The following GCN1 variants were observed in gnomAD, a reference collection of about 807,000 sequenced individuals.
GCN1 encodes the protein stalled ribosome sensor GCN1.
GCN1 carries 90 observed loss-of-function variants against 288.4 expected under a neutral mutation model. The observed-to-expected ratio is 0.31, with a 90% CI of 0.26 to 0.37. The LOEUF (loss-of-function observed/expected upper bound fraction) is 0.37, where lower values mean the gene tolerates loss of function less well. GCN1 is among the 10% of genes least tolerant of loss of function. GCN1 has a pLI of 1.00. For missense variants in GCN1, 2,586 were observed against 3,419.9 expected, an observed-to-expected ratio of 0.76 and a Z score of 6.08; for synonymous variants, 1,386 against 1,420.2, an observed-to-expected ratio of 0.98 and a Z score of 0.54.
chr12:120,135,731 A>G (rs1318559891), intron 51 of GCN1, among the ~76,000 whole-genome samples: 1 of 151,956 alleles, frequency 6.6e-6, no homozygotes, highest in Non-Finnish European at 1.5e-5. Context: ...GTCTGGAAAT[A>G]CTGGAGTTGG....
chr12:120,148,740 G>A (rs985564857), intron 36 of GCN1, among the ~76,000 whole-genome samples: 4 of 152,224 alleles, frequency 2.6e-5, no homozygotes, highest in Non-Finnish European at 5.9e-5. Context: ...AGGAGGTTGA[G>A]TGGGAGGGCC....
chr12:120,152,026 T>C (rs900642156), intron 33 of GCN1, among the ~76,000 whole-genome samples: 1 of 152,096 alleles, frequency 6.6e-6, no homozygotes, highest in African/African-American at 2.4e-5. Context: ...AAGTTTTTTG[T>C]TGTTTTTTGT....
intron 5 of GCN1, among the ~76,000 whole-genome samples, chr12:120,180,770 C>T (rs1878630818): frequency 1.3e-5 from 2 of 151,526 alleles, no homozygotes; most frequent in African/African-American, 2.4e-5. Context: ...GGGCGGATCA[C>T]GAGGTCAGGA....
chr12:120,194,142 G>A (rs936237210), intron 1 of GCN1, among the ~76,000 whole-genome samples: 1 of 152,182 alleles, frequency 6.6e-6, no homozygotes, highest in African/African-American at 2.4e-5. Context: ...TTTAAGATAA[G>A]TATTGTTTTA....
At chr12:120,148,099 C>T in intron 37 of GCN1, 68 bp downstream of exon 37, 1 of 1,156,966 alleles carries the variant, frequency 8.6e-7, no homozygotes, top group Non-Finnish European at 1.2e-6. Context: ...GTGCAAGTTC[C>T]CTGCAGTGTC....
intron 38 of GCN1, among the ~76,000 whole-genome samples, chr12:120,145,914 T>A (rs1375414223): frequency 6.6e-6 from 1 of 152,218 alleles, no homozygotes; most frequent in Non-Finnish European, 1.5e-5. Context: ...AATAACTTGT[T>A]ATAACTTGGG....
At chr12:120,181,003 AAAG>A (rs1215227105) in intron 5 of GCN1, among the ~76,000 whole-genome samples, 2 of 152,004 alleles carry the variant, frequency 1.3e-5, no homozygotes, top group Non-Finnish European at 2.9e-5. Flanking sequence ...AAAAAAAAAA[AAAG>A]AAAAAGAAAA....
intron 10 of GCN1, 72 bp from the exon 11 acceptor site, chr12:120,175,946 A>C: frequency 6.5e-7 from 1 of 1,540,534 alleles, no homozygotes; most frequent in East Asian, 2.3e-5. Context: ...TGTCTTTTCC[A>C]TGCCCCCATC....
intron 16 of GCN1, among the ~76,000 whole-genome samples, chr12:120,167,988 A>G (rs1878187766): frequency 6.6e-6 from 1 of 151,800 alleles, no homozygotes; most frequent in Non-Finnish European, 1.5e-5. Flanking sequence ...CTCCACAGCC[A>G]TTACTGCTCT....
intron 11 of GCN1, 35 bp from the exon 12 acceptor site, chr12:120,175,247 T>C (rs1878444348): frequency 1.3e-6 from 2 of 1,571,352 alleles, no homozygotes; most frequent in Admixed American, 1.7e-5. Flanking sequence ...CACATTCACA[T>C]ATGCCACATT....
At position 120,159,918 on chromosome 12, in the gene GCN1, G is replaced by A; in HGVS notation, c.2656C>T (p.Pro886Ser). 1 of 1,614,082 alleles carries A rather than the reference G, an allele frequency of 6.2e-7. No individual in the cohort carries two copies. Among genetic ancestry groups the A allele is most frequent in the Non-Finnish European group, 8.5e-7 (1 of 1,179,904 alleles). ...YIPVLVDSFLPLLKSPLAAPR... is the reference protein window; with the variant it reads ...YIPVLVDSFLSLLKSPLAAPR... Reference sequence around the variant, plus strand: ...GCAGCCAGGGGAGACTTCAGCAAGGGCAGAAAAGAGTCGACCAAAACAGGG... The same window carrying A: ...GCAGCCAGGGGAGACTTCAGCAAGGACAGAAAAGAGTCGACCAAAACAGGG... The change falls in exon 24 of 58, where the codon CCC (proline) becomes TCC (serine). Residue 886 changes from proline to serine, a missense_variant. Physicochemically the swap from Pro to Ser is moderately conservative, Grantham distance 74. Around this residue, in one of 8 missense-constraint regions of GCN1, gnomAD observed 913 missense variants for 1,107.0 expected, o/e 0.82. Coordinates refer to ENST00000300648, the MANE Select transcript of GCN1 (RefSeq NM_006836.2).
chr12:120,127,616 A>AG lies in GCN1; in HGVS notation c.*232dup, dbSNP rs1876658600. 4.2e-6 allele frequency: 2 copies of AG among 481,150 alleles called. No homozygotes were observed. The highest frequency in any genetic ancestry group is 4.7e-5 in the South Asian group (2 of 42,370). 29.8% of individuals were successfully genotyped at this position (481,150 alleles called of 1,614,324 possible). On this transcript the variant is annotated 3_prime_UTR_variant, in exon 58 of 58. Coordinates refer to ENST00000300648, the MANE Select transcript of GCN1 (RefSeq NM_006836.2). ...ACAGCTCCTGGGCTGCCATTTGCTG[A>AG]GGCGCATGCGTGTGCTTTTCCTTCT...
In GCN1 at chr12:120,137,981, G is replaced by C. The variant is rs754374773; in HGVS notation, c.6313C>G (p.Leu2105Val). 1.9e-6 allele frequency: 3 copies of C among 1,614,058 alleles called. No homozygotes were observed. The East Asian group carries it at 6.7e-5, about 36-fold the overall frequency. ...AGGATCACGCCAAGATGACGGGTGA[G>C]GGCATCACCAGCCACTGACGAAAGG... is the stretch of plus-strand genomic sequence containing the variant. ...AFLSSVAGDA[L>V]TRHLGVILPA... Residue 2105 changes from leucine to valine, a missense_variant, in exon 48 of 58, where the codon CTC becomes GTC. Physicochemically the swap from Leu to Val is conservative, Grantham distance 32. Coordinates refer to ENST00000300648, the MANE Select transcript of GCN1 (RefSeq NM_006836.2). The surrounding 1 kb of genome is among the most constrained non-coding windows in gnomAD (Gnocchi z 5.2).
chr12:120,128,786 C>T (rs1360156917), intron 57 of GCN1, among the ~76,000 whole-genome samples: 1 of 150,218 alleles, frequency 6.7e-6, no homozygotes, highest in Non-Finnish European at 1.5e-5. Context: ...GGAAAGAAGT[C>T]TGAAAACCAT....
chr12:120,180,733 A>C (rs1191040848), intron 5 of GCN1, among the ~76,000 whole-genome samples: 1 of 151,776 alleles, frequency 6.6e-6, no homozygotes, highest in African/African-American at 2.4e-5. Context: ...TCACGCCTGT[A>C]ATCCCAGCAC....
At position 120,144,495 on chromosome 12, in the gene GCN1, C is replaced by G. The variant is rs768748744; in HGVS notation, c.5353-47G>C. 62 of 1,590,094 alleles carry G rather than the reference C, an allele frequency of 3.9e-5. No homozygotes were observed. Among genetic ancestry groups the G allele is most frequent in the Non-Finnish European group, 5.1e-5 (59 of 1,167,456 alleles). ...CAGCCAGAGCTGCCACCCCCAGGCCCCCAGCCCAAAAAACATGGGGCTCAC... is the reference window on the plus strand; with the variant it reads ...CAGCCAGAGCTGCCACCCCCAGGCCGCCAGCCCAAAAAACATGGGGCTCAC... On this transcript the variant is annotated intron_variant, in intron 41 of 57. Coordinates refer to ENST00000300648, the MANE Select transcript of GCN1 (RefSeq NM_006836.2). The surrounding 1 kb of genome is among the most constrained non-coding windows in gnomAD (Gnocchi z 4.7).
intron 2 of GCN1, among the ~76,000 whole-genome samples, chr12:120,189,569 A>AT (rs1878938671): frequency 6.8e-6 from 1 of 148,054 alleles, no homozygotes; most frequent in Admixed American, 6.8e-5. Context: ...GGGTTTCACC[A>AT]TGTTGGCCAG....
chr12:120,149,573 A>C (rs780094511), intron 36 of GCN1, 33 bp downstream of exon 36: 6 of 1,471,046 alleles, frequency 4.1e-6, no homozygotes, highest in Non-Finnish European at 5.7e-6. Context: ...CATAACAGGA[A>C]GCTGGGAAGA....
chr12:120,129,414 G>A lies in GCN1; in HGVS notation c.7752C>T (p.Pro2584=), dbSNP rs1343353032. The change falls in exon 57 of 58, where the codon CCC becomes CCT. Residue 2584 remains proline, a synonymous_variant. Transcript: ENST00000300648. The stretch of plus-strand genomic sequence containing the variant: ...TGGGCTTGATGGCCTGGGGGTCCAG[G>A]GGAGGCAGTGGGTCCTTATTTGCCC... ...IWWANKDPLP[P]LDPQAIKPIL... 4 of 1,613,778 alleles carry A rather than the reference G, an allele frequency of 2.5e-6. No homozygotes were observed. The highest frequency in any genetic ancestry group is 1.7e-5 in the Admixed American group (1 of 60,008).
Sources: gnomAD v4.1 joint callset for allele counts (sites outside exome capture counted in the v4.1 genomes callset) on GRCh38, gnomAD v4.1.1 for gene constraint, gnomAD v4.1.1 regional missense constraint, Gnocchi (gnomAD v3.1) non-coding constraint, MANE v1.5 for transcripts, NCBI Gene and HGNC (gene_info 2026-07-23, HGNC 2026-07-21) for gene names.